Variants in COLGALT1 observed in about 807,000 individuals in gnomAD.
COLGALT1 encodes the protein collagen beta(1-O)galactosyltransferase 1.
COLGALT1 carries 43 observed loss-of-function variants against 60.8 expected under a neutral mutation model. That is an observed-to-expected ratio of 0.71 (90% CI 0.55 to 0.91). The LOEUF (loss-of-function observed/expected upper bound fraction) is 0.91. COLGALT1 is among the 40% of genes least tolerant of loss of function. COLGALT1 has a pLI of 0.00. For synonymous variants in COLGALT1, 369 were observed against 374.2 expected (o/e 0.99, Z 0.16); for missense variants, 845 against 880.0 (o/e 0.96, Z 0.50).
chr19:17,576,963 G>T (rs1742097927), intron 6 of COLGALT1: 1 of 588,172 alleles, frequency 1.7e-6, no homozygotes, highest in Non-Finnish European at 3.0e-6. Flanking sequence ...AGGCAGGACT[G>T]GGGGCGGGGT....
At chr19:17,573,355 G>A (rs1242516853) in intron 6 of COLGALT1, among the ~76,000 whole-genome samples, 2 of 152,024 alleles carry the variant, frequency 1.3e-5, no homozygotes, top group Non-Finnish European at 2.9e-5. Flanking sequence ...GTGAAACCCT[G>A]TCTCTACTAA....
chr19:17,564,016 A>T (rs1451268439), intron 3 of COLGALT1, among the ~76,000 whole-genome samples: 1 of 151,556 alleles, frequency 6.6e-6, no homozygotes, highest in Non-Finnish European at 1.5e-5. Context: ...TGGGAGGATC[A>T]TTTGAGGTCA....
At chr19:17,575,712 G>A (rs193264536) in intron 6 of COLGALT1, among the ~76,000 whole-genome samples, 6 of 151,998 alleles carry the variant, frequency 3.9e-5, no homozygotes, top group Admixed American at 6.6e-5. Context: ...TGGAGTCTCT[G>A]TCACCCAGGC....
rs551519535 is a variant in COLGALT1 at position 17,559,374 on chromosome 19, G to A, written c.324G>A (p.Val108=). 1.7e-4 allele frequency: 263 copies of A among 1,552,218 alleles called. 1 individual carries two copies. The South Asian group carries it at 3.0e-3, about 18-fold the overall frequency. ...STVLREWLVA[V]KSLYHSVEWR... The stretch of plus-strand genomic sequence containing the variant: ...TGCTGCGGGAGTGGCTGGTGGCCGT[G>A]AAGAGTTTGTACCATTCCGTGGAGT... The change falls in exon 2 of 12, where the codon GTG becomes GTA. Residue 108 remains valine, a synonymous_variant. Transcript: ENST00000252599.
intron 6 of COLGALT1, among the ~76,000 whole-genome samples, chr19:17,575,255 G>T (rs1156356775): frequency 1.4e-4 from 21 of 150,896 alleles, no homozygotes; most frequent in African/African-American, 3.6e-4. Context: ...TTGTTTGTTT[G>T]TTTTTTTTGA....
At position 17,579,777 on chromosome 19, in the gene COLGALT1, G is replaced by C. The variant is rs537054921; in HGVS notation, c.1394+168G>C. On this transcript the variant is annotated intron_variant, in intron 10 of 11. Transcript: ENST00000252599. Reference sequence around the variant, plus strand: ...AGCCTAGGTACATGGCCAGGGCTTAGAGGTGGGGCTGGGAGGCGGAGTGGA... The same window carrying C: ...AGCCTAGGTACATGGCCAGGGCTTACAGGTGGGGCTGGGAGGCGGAGTGGA... Among the ~76,000 whole-genome samples, 165 of 151,272 alleles carry C rather than the reference G, an allele frequency of 1.1e-3. 1 individual carries two copies. The highest frequency in any genetic ancestry group is 3.7e-3 in the African/African-American group (153 of 41,242).
rs761108171 is a variant in COLGALT1, at chr19:17,567,506, C to T, written c.590C>T (p.Ala197Val). 9.9e-6 allele frequency: 16 copies of T among 1,613,664 alleles called. No homozygotes were observed. Among genetic ancestry groups the T allele is most frequent in the Middle Eastern group, 3.3e-4 (2 of 6,084 alleles). Residue 197 changes from alanine to valine, a missense_variant, in exon 4 of 12, where the codon GCG (alanine) becomes GTG (valine). Physicochemically the swap from Ala to Val is moderately conservative, Grantham distance 64 (BLOSUM62 0). Coordinates refer to ENST00000252599, the MANE Select transcript of COLGALT1 (RefSeq NM_024656.4). ...GCCCCCATGCTGGATTCCCGGGCTGCGTACTCCAACTTCTGGTGTGGAATG... is the reference window on the plus strand; with the variant it reads ...GCCCCCATGCTGGATTCCCGGGCTGTGTACTCCAACTTCTGGTGTGGAATG... ...VVAPMLDSRA[A>V]YSNFWCGMTS...
Position 17,581,206 on chromosome 19 carries a change from G to A in COLGALT1, c.1631G>A (p.Arg544His), listed in dbSNP as rs149240687. The A allele has an allele frequency of 5.7e-5, 91 of 1,605,508 alleles. No individual in the cohort carries two copies. Among genetic ancestry groups the A allele is most frequent in the Non-Finnish European group, 7.1e-5 (84 of 1,178,122 alleles). Residue 544 changes from arginine (R) to histidine (H), a missense_variant, in exon 12 of 12, where the codon CGC becomes CAC. Transcript: ENST00000252599. Reference sequence around the variant, plus strand: ...GAGTACAAGGCCCACTTCTCCCTCCGCAACCTGCATGCCTTCTCTGTGGAG... The same window carrying A: ...GAGTACAAGGCCCACTTCTCCCTCCACAACCTGCATGCCTTCTCTGTGGAG... Reference protein sequence around the residue: ...VSEYKAHFSLRNLHAFSVEPL... With the variant: ...VSEYKAHFSLHNLHAFSVEPL...
In COLGALT1 at chr19:17,558,693, T is replaced by A. The variant is rs542899198; in HGVS notation, c.261-618T>A. On this transcript the variant is annotated intron_variant, in intron 1 of 11. Transcript: ENST00000252599. ...ACTCTGTCTCAAAAGAAAAAAAAAA[T>A]TAAGTGACACATATTTGTTAGTGAA... Among the ~76,000 whole-genome samples, 26 of 149,738 alleles carry A rather than the reference T, an allele frequency of 1.7e-4. 1 individual carries two copies. Among genetic ancestry groups the A allele is most frequent in the Admixed American group, 1.7e-3 (26 of 15,030 alleles).
At chr19:17,577,074 C>G in intron 6 of COLGALT1, 121 bp from the exon 7 acceptor site, 1 of 917,988 alleles carries the variant, frequency 1.1e-6, no homozygotes, top group South Asian at 1.5e-5. Context: ...TGGGCGGAGC[C>G]AGGTCGACTT....
chr19:17,557,784 T>C (rs920200937), intron 1 of COLGALT1, among the ~76,000 whole-genome samples: 1 of 151,978 alleles, frequency 6.6e-6, no homozygotes, highest in African/African-American at 2.4e-5. Flanking sequence ...GTATTTTTTC[T>C]AGAGATGGGG....
chr19:17,556,832 G>A (rs1184921485), intron 1 of COLGALT1, among the ~76,000 whole-genome samples: 1 of 152,194 alleles, frequency 6.6e-6, no homozygotes, highest in Non-Finnish European at 1.5e-5. Flanking sequence ...AGAATCGCTT[G>A]AGCCCAGGAG....
chr19:17,581,977 C>T lies in COLGALT1; in HGVS notation c.*533C>T, dbSNP rs1042564165. ...CCCAGGCTGGAGTGCAGTGGTGTGA[C>T]GGCTCACTGCAGCCTGCGCCTCCCA... On this transcript the variant is annotated 3_prime_UTR_variant, in exon 12 of 12. Coordinates refer to ENST00000252599, the MANE Select transcript of COLGALT1 (RefSeq NM_024656.4). 12 of 151,504 alleles carry T rather than the reference C, an allele frequency of 7.9e-5. No individual in the cohort carries two copies. Among genetic ancestry groups the T allele is most frequent in the Non-Finnish European group, 1.6e-4 (11 of 70,164 alleles). 9.4% of individuals were successfully genotyped at this position (151,504 alleles called of 1,614,324 possible).
chr19:17,572,434 G>A (rs1181873249), intron 5 of COLGALT1, 49 bp from the exon 6 acceptor site: 2 of 1,612,102 alleles, frequency 1.2e-6, no homozygotes, highest in South Asian at 2.2e-5. Flanking sequence ...ATGAGCCACT[G>A]GGCCTCGCCT....
chr19:17,561,586 C>A (rs2076249173), intron 3 of COLGALT1, among the ~76,000 whole-genome samples: 1 of 134,104 alleles, frequency 7.5e-6, no homozygotes, highest in Non-Finnish European at 1.5e-5. Flanking sequence ...GAGCCAAGAT[C>A]ACGCCACTGC....
intron 6 of COLGALT1, among the ~76,000 whole-genome samples, chr19:17,572,811 T>G (rs1447339470): frequency 6.6e-6 from 1 of 152,094 alleles, no homozygotes; most frequent in Non-Finnish European, 1.5e-5. Flanking sequence ...ACAGCATGCT[T>G]GGGGTTGTCG....
Position 17,568,709 on chromosome 19 carries a change from G to C in COLGALT1, c.825G>C (p.Gln275His). The C allele has an allele frequency of 6.2e-7, 1 of 1,614,176 alleles. No homozygotes were observed. The highest frequency in any genetic ancestry group is 8.5e-7 in the Non-Finnish European group (1 of 1,180,028). Residue 275 changes from glutamine (Q) to histidine (H), a missense_variant, in exon 5 of 12, where the codon CAG becomes CAC. Physicochemically the swap from Gln to His is conservative, Grantham distance 24. Coordinates refer to ENST00000252599, the MANE Select transcript of COLGALT1 (RefSeq NM_024656.4). ...DIIVFAFSCK[Q>H]AEVQMYVCNK... ...TCGTCTTTGCCTTCTCCTGCAAGCA[G>C]GCAGGTACGTACATGAGGGGTCTGC... is the stretch of plus-strand genomic sequence containing the variant.
intron 9 of COLGALT1, among the ~76,000 whole-genome samples, chr19:17,578,684 A>C (rs1599795599): frequency 6.6e-6 from 1 of 152,342 alleles, no homozygotes; most frequent in Admixed American, 6.5e-5. Context: ...ACTGCACTGC[A>C]GACTGGACAG....
chr19:17,581,551 C>T lies in COLGALT1; in HGVS notation c.*107C>T, dbSNP rs1189997786. 2.1e-6 allele frequency: 3 copies of T among 1,413,968 alleles called. No homozygotes were observed. Among genetic ancestry groups the T allele is most frequent in the Non-Finnish European group, 2.8e-6 (3 of 1,065,720 alleles). The allele number at this position is 1,413,968 out of a possible 1,614,324, so 87.6% of individuals were successfully genotyped here. On this transcript the variant is annotated 3_prime_UTR_variant, in exon 12 of 12. Transcript: ENST00000252599. ...ACCCCTTGGCAGGCCACAGAGGGCTCTCGTGTGGGGTGGTGTCCAGCCAGC... is the reference window on the plus strand; with the variant it reads ...ACCCCTTGGCAGGCCACAGAGGGCTTTCGTGTGGGGTGGTGTCCAGCCAGC...
Sources: allele counts gnomAD v4.1 joint callset (sites outside exome capture counted in the v4.1 genomes callset), GRCh38; gene constraint gnomAD v4.1.1; transcripts MANE v1.5; gene names NCBI Gene and HGNC (gene_info 2026-07-23, HGNC 2026-07-21).